Variants in DENND2B observed in about 807,000 individuals in gnomAD.
DENND2B encodes DENN domain containing 2B.
A neutral mutation model predicts 116.0 loss-of-function variants in DENND2B; 32 were observed. That is an observed-to-expected ratio of 0.28 (90% CI 0.21 to 0.37). The LOEUF is 0.37. DENND2B is among the 10% of genes least tolerant of loss of function. The pLI is 1.00. For missense variants in DENND2B, 1,276 were observed against 1,477.7 expected, an observed-to-expected ratio of 0.86 and a Z score of 2.24; for synonymous variants, 588 against 583.9, an observed-to-expected ratio of 1.01 and a Z score of -0.10.
intron 1 of DENND2B, among the ~76,000 whole-genome samples, chr11:8,804,553 T>TTTTTC (rs2060661468): frequency 6.7e-6 from 1 of 148,830 alleles, no homozygotes; most frequent in Non-Finnish European, 1.5e-5. Flanking sequence ...ACTTCTTTTT[T>TTTTTC]TTTTTTTTTG....
At chr11:8,754,736 A>G (rs2053307210) in intron 1 of DENND2B, among the ~76,000 whole-genome samples, 2 of 152,268 alleles carry the variant, frequency 1.3e-5, no homozygotes, top group Non-Finnish European at 2.9e-5. Context: ...TATTATTCAG[A>G]CATAAAAAGG....
chr11:8,700,011 A>C, intron 14 of DENND2B: 1 of 456,314 alleles, frequency 2.2e-6, no homozygotes, highest in South Asian at 1.5e-5. Context: ...GCTCAGAGGC[A>C]GCTGCAACCA....
intron 3 of DENND2B, among the ~76,000 whole-genome samples, chr11:8,841,376 C>T (rs900499851): frequency 7.2e-5 from 11 of 152,294 alleles, no homozygotes; most frequent in Non-Finnish European, 1.0e-4. Context: ...AGGTGCCTCA[C>T]GCCTGTAATC....
intron 2 of DENND2B, among the ~76,000 whole-genome samples, chr11:8,734,739 A>C (rs563015856): frequency 6.7e-6 from 1 of 149,228 alleles, no homozygotes; most frequent in Non-Finnish European, 1.5e-5. Flanking sequence ...CAGTGAGCCG[A>C]GATCACGCCA....
intron 1 of DENND2B, among the ~76,000 whole-genome samples, chr11:8,882,742 C>T (rs1228694547): frequency 6.6e-6 from 1 of 152,036 alleles, no homozygotes; most frequent in Non-Finnish European, 1.5e-5. Context: ...GATCCCAGCA[C>T]TTTGGGAGGC....
At chr11:8,811,063 G>A (rs1039506549), upstream of DENND2B, 3 of 384,008 alleles carry the variant, frequency 7.8e-6, no homozygotes, top group African/African-American at 6.2e-5. Flanking sequence ...CCCTGCCAGG[G>A]GGGAGGGAGC....
At chr11:8,734,134 A>G (rs987808968) in intron 2 of DENND2B, among the ~76,000 whole-genome samples, 10 of 152,182 alleles carry the variant, frequency 6.6e-5, no homozygotes, top group African/African-American at 2.4e-4. Flanking sequence ...CTGGGGTGAC[A>G]TTCTCACTTG....
chr11:8,828,214 G>T lies in DENND2B; in HGVS notation c.-115+11096C>A, dbSNP rs144170297. On this transcript the variant is annotated intron_variant, in intron 4 of 6. Coordinates refer to the DENND2B transcript ENST00000524757. ...AAAGCAAGTAAAGGACCAGACAGAC[G>T]CTGAGAACCTAGAAGGAGCACACAA... is the stretch of plus-strand genomic sequence containing the variant. Among the ~76,000 whole-genome samples, 13 of 152,282 alleles carry T rather than the reference G, an allele frequency of 8.5e-5. 1 individual carries two copies. Among genetic ancestry groups the T allele is most frequent in the Admixed American group, 5.9e-4 (9 of 15,312 alleles).
intron 1 of DENND2B, among the ~76,000 whole-genome samples, chr11:8,906,876 C>A (rs1461525797): frequency 6.6e-6 from 1 of 152,180 alleles, no homozygotes; most frequent in Non-Finnish European, 1.5e-5. Flanking sequence ...GGAGAAATAA[C>A]AATACCATTT....
chr11:8,734,300 A>G (rs550327667), intron 2 of DENND2B, among the ~76,000 whole-genome samples: 1 of 152,136 alleles, frequency 6.6e-6, no homozygotes, highest in South Asian at 2.1e-4. Flanking sequence ...TGGATGCAAA[A>G]TGCTCATTAT....
chr11:8,741,794 C>A (rs1425204468), intron 2 of DENND2B, among the ~76,000 whole-genome samples: 1 of 152,172 alleles, frequency 6.6e-6, no homozygotes, highest in Non-Finnish European at 1.5e-5. Context: ...CCAGGTAAAG[C>A]CCCAGCAACA....
At chr11:8,699,068 C>A (rs2270958) in intron 15 of DENND2B, 94 bp from the exon 16 acceptor site, 257,535 of 1,565,640 alleles carry the variant, frequency 0.16, 22,156 homozygotes, top group East Asian at 0.24. Context: ...CCAGGGTCAG[C>A]TAACAGGAAG....
chr11:8,814,726 T>C (rs1220145863), upstream of DENND2B, among the ~76,000 whole-genome samples: 3 of 152,218 alleles, frequency 2.0e-5, no homozygotes, highest in East Asian at 5.8e-4. Context: ...ATACGAACCT[T>C]GACTATTTTG....
chr11:8,832,654 T>C (rs1024810198), intron 4 of DENND2B: 1 of 152,200 alleles, frequency 6.6e-6, no homozygotes, highest in Non-Finnish European at 1.5e-5. Context: ...AGAGGCAGAG[T>C]TGGGCAGAAA....
intron 4 of DENND2B, chr11:8,718,280 C>T: frequency 7.9e-7 from 1 of 1,267,026 alleles, no homozygotes; most frequent in Non-Finnish European, 1.1e-6. Context: ...AGAGATAACA[C>T]AGTTCAAGGT....
chr11:8,844,393 C>CT (rs1327783300), intron 3 of DENND2B, among the ~76,000 whole-genome samples: 3 of 152,112 alleles, frequency 2.0e-5, no homozygotes, highest in African/African-American at 7.2e-5. Context: ...GAGCAGAACT[C>CT]TGTCTCGACA....
chr11:8,694,725 CTT>C, intron 19 of DENND2B: 2 of 412,462 alleles, frequency 4.8e-6, no homozygotes, highest in South Asian at 1.8e-5. Flanking sequence ...CATATATAGA[CTT>C]TTTTTTTCTC....
At position 8,712,822 on chromosome 11, in the gene DENND2B, G is replaced by A; in HGVS notation, c.1988-87C>T. The A allele has an allele frequency of 3.5e-6, 5 of 1,410,752 alleles. No individual in the cohort carries two copies. In the South Asian group the frequency reaches 7.0e-5, roughly 20 times the overall value. 87.4% of individuals were successfully genotyped at this position (1,410,752 alleles called of 1,614,324 possible). ...CCTGGCTCAGGGCTCCATTGCTGTG[G>A]AGCACTTTTAAGTACGTGAGCCTAG... On this transcript the variant is annotated intron_variant, in intron 8 of 19. Coordinates refer to ENST00000313726, the MANE Select transcript of DENND2B (RefSeq NM_213618.2). The surrounding 1 kb of genome is among the most constrained non-coding windows in gnomAD (Gnocchi z 4.4).
At chr11:8,729,215 C>G (rs2047653240) in intron 3 of DENND2B, among the ~76,000 whole-genome samples, 1 of 152,140 alleles carries the variant, frequency 6.6e-6, no homozygotes, top group African/African-American at 2.4e-5. Flanking sequence ...CAAGGAAGCT[C>G]ACTCCCAGCC....
Sources: gnomAD v4.1 joint callset for allele counts (sites outside exome capture counted in the v4.1 genomes callset) on GRCh38, gnomAD v4.1.1 for gene constraint, Gnocchi (gnomAD v3.1) non-coding constraint, MANE v1.5 for transcripts, NCBI Gene and HGNC (gene_info 2026-07-23, HGNC 2026-07-21) for gene names.